Variants in PPFIBP2 observed in about 807,000 individuals in gnomAD.
PPFIBP2 encodes liprin-beta-2.
A neutral mutation model predicts 118.3 loss-of-function variants in PPFIBP2; 118 were observed. That is an observed-to-expected ratio of 1.00 (90% confidence interval 0.86 to 1.16). The LOEUF (loss-of-function observed/expected upper bound fraction) is 1.16, where lower values mean the gene tolerates loss of function less well. PPFIBP2 is among the 50% of genes most tolerant of loss of function. The pLI is 0.00. For missense variants in PPFIBP2, 1,195 were observed against 1,073.1 expected, an observed-to-expected ratio of 1.11 and a Z score of -1.59; for synonymous variants, 414 against 397.4, an observed-to-expected ratio of 1.04 and a Z score of -0.50.
chr11:7,598,232 CTG>C (rs1251996933), intron 5 of PPFIBP2: 1 of 289,042 alleles, frequency 3.5e-6, no homozygotes, highest in Admixed American at 4.9e-5. Flanking sequence ...CTTTCCAAAT[CTG>C]TAATCACAAG....
intron 17 of PPFIBP2, among the ~76,000 whole-genome samples, chr11:7,647,233 T>C (rs141790995): frequency 6.6e-6 from 1 of 152,350 alleles, no homozygotes; most frequent in Non-Finnish European, 1.5e-5. Flanking sequence ...TGAAGGAATA[T>C]CTACGATATT....
intron 2 of PPFIBP2, among the ~76,000 whole-genome samples, chr11:7,556,779 TC>T (rs1403616442): frequency 4.6e-5 from 7 of 152,354 alleles, no homozygotes; most frequent in African/African-American, 1.4e-4. Context: ...TTGGTCACTA[TC>T]CATAGGTATT....
intron 1 of PPFIBP2, among the ~76,000 whole-genome samples, chr11:7,544,635 G>C (rs958365704): frequency 6.6e-6 from 1 of 151,886 alleles, no homozygotes; most frequent in East Asian, 1.9e-4. Flanking sequence ...TTAGCCAGGC[G>C]TGGTGGCGGG....
At chr11:7,628,603 G>A (rs931411826) in intron 9 of PPFIBP2, among the ~76,000 whole-genome samples, 7 of 152,064 alleles carry the variant, frequency 4.6e-5, no homozygotes, top group African/African-American at 1.7e-4. Flanking sequence ...TGGTGTGGGG[G>A]GAAAAAAATA....
At chr11:7,535,802 A>C (rs1437924305) in intron 1 of PPFIBP2, among the ~76,000 whole-genome samples, 2 of 152,170 alleles carry the variant, frequency 1.3e-5, no homozygotes, top group African/African-American at 4.8e-5. Context: ...CAGTCTGGGC[A>C]GTAGGAGTGG....
At chr11:7,641,106 CTT>C (rs1386145348) in intron 15 of PPFIBP2, 3 of 1,233,940 alleles carry the variant, frequency 2.4e-6, no homozygotes, top group Non-Finnish European at 3.2e-6. Flanking sequence ...GTGAGAATGC[CTT>C]TGTTTCCCTA....
intron 6 of PPFIBP2, among the ~76,000 whole-genome samples, chr11:7,619,345 G>A (rs1283858207): frequency 6.6e-6 from 1 of 152,204 alleles, no homozygotes; most frequent in African/African-American, 2.4e-5. Flanking sequence ...TCCAGACAGA[G>A]GGAATGTTGT....
At chr11:7,553,255 A>G (rs146564587) in intron 2 of PPFIBP2, among the ~76,000 whole-genome samples, 1 of 152,090 alleles carries the variant, frequency 6.6e-6, no homozygotes, top group Non-Finnish European at 1.5e-5. Flanking sequence ...AGTAGTTTGT[A>G]TGTCCCATGA....
chr11:7,615,960 T>C (rs1235106555), intron 6 of PPFIBP2, among the ~76,000 whole-genome samples: 2 of 152,160 alleles, frequency 1.3e-5, no homozygotes, highest in Non-Finnish European at 2.9e-5. Flanking sequence ...TCACAGATAA[T>C]ACCAATAAAA....
intron 18 of PPFIBP2, 75 bp from the exon 19 acceptor site, chr11:7,648,725 A>G: frequency 1.3e-6 from 2 of 1,484,280 alleles, no homozygotes; most frequent in Non-Finnish European, 1.9e-6. Context: ...GAGCATCTCC[A>G]CCCAGACACA....
At chr11:7,591,331 A>G (rs1281399317) in intron 3 of PPFIBP2, among the ~76,000 whole-genome samples, 2 of 151,746 alleles carry the variant, frequency 1.3e-5, no homozygotes, top group Non-Finnish European at 2.9e-5. Context: ...GTCCATGTGG[A>G]CTTCGGCACT....
intron 21 of PPFIBP2, 107 bp from the exon 22 acceptor site, chr11:7,650,733 T>C (rs1590815009): frequency 8.0e-7 from 1 of 1,251,654 alleles, no homozygotes; most frequent in Non-Finnish European, 1.1e-6. Flanking sequence ...GGCCTTCTAT[T>C]GTTGTGATGC....
chr11:7,562,859 A>G (rs887247043), intron 2 of PPFIBP2, among the ~76,000 whole-genome samples: 2 of 149,114 alleles, frequency 1.3e-5, no homozygotes, highest in African/African-American at 4.9e-5. Context: ...CTCATCTAGT[A>G]TTTATTGACT....
chr11:7,591,587 C>T (rs1261872210), intron 3 of PPFIBP2, among the ~76,000 whole-genome samples: 1 of 151,922 alleles, frequency 6.6e-6, no homozygotes, highest in African/African-American at 2.4e-5. Flanking sequence ...CTGCCATTAA[C>T]AAAGAAGTCA....
At chr11:7,652,526 G>A (rs1854191387) in intron 23 of PPFIBP2, among the ~76,000 whole-genome samples, 1 of 152,198 alleles carries the variant, frequency 6.6e-6, no homozygotes, top group Admixed American at 6.5e-5. Context: ...CCTTCCCCAG[G>A]GGAGCAAGAC....
chr11:7,580,894 AC>A (rs1275063330), intron 3 of PPFIBP2, among the ~76,000 whole-genome samples: 1 of 152,208 alleles, frequency 6.6e-6, no homozygotes, highest in African/African-American at 2.4e-5. Flanking sequence ...TGAAAGAGGA[AC>A]AGATGGAACC....
At chr11:7,650,791 G>T (rs1421076579) in intron 21 of PPFIBP2, 49 bp from the exon 22 acceptor site, 5 of 1,600,548 alleles carry the variant, frequency 3.1e-6, no homozygotes, top group South Asian at 2.2e-5. Context: ...GAGGACCATG[G>T]TGGGACCTAT....
At chr11:7,599,845 C>G (rs1861103946) in intron 5 of PPFIBP2, among the ~76,000 whole-genome samples, 2 of 149,264 alleles carry the variant, frequency 1.3e-5, no homozygotes, top group African/African-American at 5.0e-5. Flanking sequence ...GGGGTTTCAC[C>G]ATGTTAGCCA....
intron 6 of PPFIBP2, among the ~76,000 whole-genome samples, chr11:7,613,615 T>G (rs1848315907): frequency 6.6e-6 from 1 of 152,020 alleles, no homozygotes; most frequent in African/African-American, 2.4e-5. Flanking sequence ...AATACCAAAA[T>G]CAAGAGGATG....
Sources: gnomAD v4.1 joint callset for allele counts (sites outside exome capture counted in the v4.1 genomes callset) on GRCh38, gnomAD v4.1.1 for gene constraint, MANE v1.5 for transcripts, NCBI Gene and HGNC (gene_info 2026-07-23, HGNC 2026-07-21) for gene names.